ANKRD62: variants seen among roughly 807,000 people sequenced by gnomAD.
ANKRD62 encodes ankyrin repeat domain-containing protein 62.
Under a neutral mutation model 98.8 loss-of-function variants are expected in ANKRD62, and 61 were observed. The ratio of observed to expected loss-of-function variants is 0.62; its 90% CI spans 0.50 to 0.76. The LOEUF is 0.76. Among genes scored for constraint, ANKRD62 ranks in the 30% least tolerant of loss-of-function variants. The pLI, the probability that ANKRD62 is intolerant of heterozygous loss-of-function variation, is 0.00. For missense variants in ANKRD62, 933 were observed against 1,082.9 expected (o/e 0.86, Z 1.94); for synonymous variants, 341 against 367.9 (o/e 0.93, Z 0.84).
the ANKRD62 span, among the ~76,000 whole-genome samples, chr18:12,155,066 G>C: frequency 2.6e-5 from 4 of 152,234 alleles, no homozygotes; most frequent in South Asian, 6.2e-4. Context: ...AAACCCCTGT[G>C]ACACAAGTTT....
At chr18:12,163,491 G>A in the ANKRD62 span, among the ~76,000 whole-genome samples, 3 of 152,188 alleles carry the variant, frequency 2.0e-5, no homozygotes, top group African/African-American at 7.2e-5. Flanking sequence ...CAATTTGGAT[G>A]CACTTTATTT....
At chr18:12,177,419 C>T in the ANKRD62 span, among the ~76,000 whole-genome samples, 1 of 152,294 alleles carries the variant, frequency 6.6e-6, no homozygotes, top group East Asian at 1.9e-4. Context: ...CTTAAGATGT[C>T]CCTTCAGCAC....
At chr18:12,165,981 T>C in the ANKRD62 span, among the ~76,000 whole-genome samples, 1 of 152,158 alleles carries the variant, frequency 6.6e-6, no homozygotes, top group African/African-American at 2.4e-5. Flanking sequence ...AGGTTTGCAC[T>C]GAAAGCTTTC....
intron 11 of ANKRD62, among the ~76,000 whole-genome samples, chr18:12,123,125 T>G (rs1245343559): frequency 3.3e-5 from 5 of 152,176 alleles, no homozygotes; most frequent in Non-Finnish European, 5.9e-5. Flanking sequence ...CTCGGCTCAC[T>G]GCAGCCTCTG....
chr18:12,107,616 A>G (rs571880332), intron 8 of ANKRD62, 149 bp downstream of exon 8: 26 of 555,786 alleles, frequency 4.7e-5, no homozygotes, highest in African/African-American at 3.7e-4. Context: ...GCAAATTAAC[A>G]AGCAATGAGA....
chr18:12,099,790 T>C (rs1447284214), intron 6 of ANKRD62, 108 bp downstream of exon 6: 2 of 477,544 alleles, frequency 4.2e-6, no homozygotes, highest in Non-Finnish European at 6.9e-6. Context: ...CCACTGTAAA[T>C]TGAATGTATA....
At chr18:12,141,624 C>A in the ANKRD62 span, among the ~76,000 whole-genome samples, 1 of 128,112 alleles carries the variant, frequency 7.8e-6, no homozygotes, top group Non-Finnish European at 1.6e-5. Flanking sequence ...GGTCCTCATT[C>A]CTGCCCATAG....
chr18:12,119,143 T>TCC (rs1237855190), intron 10 of ANKRD62, among the ~76,000 whole-genome samples: 31 of 152,332 alleles, frequency 2.0e-4, no homozygotes, highest in African/African-American at 7.5e-4. Flanking sequence ...ATTTGTTAAT[T>TCC]TTATCTATTT....
downstream of ANKRD62, among the ~76,000 whole-genome samples, chr18:12,130,036 TTGAG>T (rs1173836434): frequency 1.3e-5 from 2 of 152,192 alleles, no homozygotes; most frequent in African/African-American, 4.8e-5. Flanking sequence ...ACAAAATATC[TTGAG>T]TATTTATAAA....
chr18:12,113,794 T>C (rs1442866459), intron 8 of ANKRD62, among the ~76,000 whole-genome samples: 3 of 152,220 alleles, frequency 2.0e-5, no homozygotes, highest in Non-Finnish European at 4.4e-5. Context: ...TATTACTGGG[T>C]ATATACCCAA....
chr18:12,165,141 A>G, the ANKRD62 span, among the ~76,000 whole-genome samples: 1 of 151,220 alleles, frequency 6.6e-6, no homozygotes, highest in African/African-American at 2.4e-5. Flanking sequence ...TTTTCCATTC[A>G]TTTATTTTTG....
chr18:12,126,367 A>G lies in ANKRD62; in HGVS notation c.2546A>G (p.Glu849Gly). 4 of 1,507,234 alleles carry G rather than the reference A, an allele frequency of 2.7e-6. No homozygotes were observed. Among genetic ancestry groups the G allele is most frequent in the Non-Finnish European group, 3.5e-6 (4 of 1,136,422 alleles). 93.4% of individuals were successfully genotyped at this position (1,507,234 alleles called of 1,614,324 possible). Residue 849 changes from glutamate (E) to glycine (G), a missense_variant, in exon 13 of 14, where the codon GAG becomes GGG. This residue lies in a region of ANKRD62 where 362 missense variants were observed against 434.5 expected (regional missense o/e 0.83). Transcript: ENST00000587848. ...LKERQCQYEK[E>G]KEEREVVRRQ... ...GAAAGACAATGCCAATATGAAAAAG[A>G]GAAAGAAGAAAGAGAAGTAAGTATC...
chr18:12,135,142 T>C, the ANKRD62 span, among the ~76,000 whole-genome samples: 1 of 150,274 alleles, frequency 6.7e-6, no homozygotes, highest in Non-Finnish European at 1.5e-5. Flanking sequence ...GCTGCACCCA[T>C]TAACTCGTCA....
chr18:12,100,619 G>C (rs1909279875), intron 6 of ANKRD62, among the ~76,000 whole-genome samples: 1 of 152,120 alleles, frequency 6.6e-6, no homozygotes, highest in South Asian at 2.1e-4. Context: ...AATACCAATA[G>C]GATGTTATTT....
In ANKRD62 at chr18:12,102,130, TAGTC is replaced by T. The variant is rs1459393967; in HGVS notation, c.821-1024_821-1021del. The T allele has an allele frequency of 6.2e-5, 80 of 1,297,260 alleles. No individual in the cohort carries two copies. The East Asian group carries it at 6.5e-4, about 10-fold the overall frequency. 80.4% of individuals were successfully genotyped at this position (1,297,260 alleles called of 1,614,324 possible). ...TTTCTGCAAGGCATCCCCATGAACATAGTCAGTAACAACTTGTCCAAGGCCCGAG... is the reference window on the plus strand; with the variant it reads ...TTTCTGCAAGGCATCCCCATGAACATAGTAACAACTTGTCCAAGGCCCGAG... On this transcript the variant is annotated intron_variant, in intron 6 of 13. Transcript: ENST00000587848.
chr18:12,103,296 C>G, intron 7 of ANKRD62, 68 bp downstream of exon 7: 1 of 933,418 alleles, frequency 1.1e-6, no homozygotes, highest in East Asian at 3.2e-5. Flanking sequence ...AATGAAATTA[C>G]TTTTGGACTA....
intron 6 of ANKRD62, among the ~76,000 whole-genome samples, chr18:12,101,340 A>G (rs1909295867): frequency 6.6e-6 from 1 of 152,222 alleles, no homozygotes; most frequent in Admixed American, 6.5e-5. Flanking sequence ...TTGAGACTTG[A>G]GTCTCAGTTT....
chr18:12,177,194 A>G, the ANKRD62 span, among the ~76,000 whole-genome samples: 8 of 151,438 alleles, frequency 5.3e-5, no homozygotes. Flanking sequence ...CAGCCTTCTC[A>G]TGAGCATCCA....
chr18:12,120,921 T>G lies in ANKRD62; in HGVS notation c.1241-1382T>G, dbSNP rs139188302. 6.7e-3 allele frequency among the ~76,000 whole-genome samples: 1,015 copies of G among 152,326 alleles called. 9 individuals are homozygous for G. Among genetic ancestry groups the G allele is most frequent in the Non-Finnish European group, 0.011 (781 of 68,008 alleles). On this transcript the variant is annotated intron_variant, in intron 10 of 13. Transcript: ENST00000587848. ...ACAATGGTACACTTTTATTTATTTT[T>G]TTTGTCCCAGACAGTTCCTTCCTGG...
Sources: gnomAD v4.1 joint callset for allele counts (sites outside exome capture counted in the v4.1 genomes callset) on GRCh38, gnomAD v4.1.1 for gene constraint, gnomAD v4.1.1 regional missense constraint, MANE v1.5 for transcripts, NCBI Gene and HGNC (gene_info 2026-07-23, HGNC 2026-07-21) for gene names.